PPP2R2B: variants seen among roughly 807,000 people sequenced by gnomAD.
PPP2R2B encodes serine/threonine-protein phosphatase 2A 55 kDa regulatory subunit B beta isoform.
In PPP2R2B, 5 loss-of-function variants were observed where a neutral mutation model predicts 46.0. The ratio of observed to expected loss-of-function variants is 0.11; its 90% CI spans 0.06 to 0.23. The LOEUF is 0.23. PPP2R2B is among the 10% of genes least tolerant of loss of function. PPP2R2B has a pLI of 1.00. For missense variants in PPP2R2B, 367 were observed against 575.0 expected (o/e 0.64, Z 3.70); for synonymous variants, 215 against 206.7 (o/e 1.04, Z -0.34).
chr5:147,003,782 A>G (rs1228369387), intron 1 of PPP2R2B, among the ~76,000 whole-genome samples: 1 of 152,118 alleles, frequency 6.6e-6, no homozygotes, highest in African/African-American at 2.4e-5. Flanking sequence ...TGAATTATTC[A>G]ATGATGTCCA....
chr5:146,736,434 C>T (rs1752543723), intron 2 of PPP2R2B, among the ~76,000 whole-genome samples: 3 of 152,088 alleles, frequency 2.0e-5, no homozygotes, highest in Admixed American at 2.0e-4. Context: ...GTTATTATTA[C>T]CATCATTTTA....
intron 2 of PPP2R2B, among the ~76,000 whole-genome samples, chr5:146,708,799 T>TA (rs538611000): frequency 2.6e-4 from 40 of 152,120 alleles, no homozygotes; most frequent in African/African-American, 9.2e-4. Flanking sequence ...GGTATGGAGC[T>TA]AAAAAAAATT....
intron 8 of PPP2R2B, among the ~76,000 whole-genome samples, chr5:146,594,915 C>A (rs74376619): frequency 6.6e-6 from 1 of 152,154 alleles, no homozygotes; most frequent in Non-Finnish European, 1.5e-5. Context: ...CCTGCAACTG[C>A]GGCTCTTTCT....
chr5:146,813,574 AG>A (rs1348687372), intron 2 of PPP2R2B, among the ~76,000 whole-genome samples: 2 of 152,228 alleles, frequency 1.3e-5, no homozygotes, highest in Non-Finnish European at 2.9e-5. Context: ...GAGCTGAAGC[AG>A]GCCACATGGC....
intron 1 of PPP2R2B, among the ~76,000 whole-genome samples, chr5:146,900,796 T>C (rs488183): frequency 0.5 from 73,098 of 147,504 alleles, 20,445 homozygotes; most frequent in African/African-American, 0.75. Context: ...CCGTGCCCCA[T>C]CCCCATGCAC....
intron 1 of PPP2R2B, chr5:147,054,643 C>A (rs1170756807): frequency 2.2e-6 from 1 of 456,186 alleles, no homozygotes; most frequent in Non-Finnish European, 4.4e-6. Context: ...ACACAGCCCC[C>A]AGTCTCAGGA....
intron 1 of PPP2R2B, chr5:146,922,691 G>C (rs183127982): frequency 3.3e-5 from 5 of 152,278 alleles, no homozygotes; most frequent in Non-Finnish European, 4.4e-5. Flanking sequence ...TAGCCCATGT[G>C]CTTGGAGGAA....
chr5:146,633,493 G>A (rs1452419757), intron 7 of PPP2R2B, among the ~76,000 whole-genome samples: 3 of 152,270 alleles, frequency 2.0e-5, no homozygotes, highest in Non-Finnish European at 2.9e-5. Flanking sequence ...GCTGGGGCTC[G>A]TAGCCGCAGC....
intron 1 of PPP2R2B, among the ~76,000 whole-genome samples, chr5:146,985,017 C>CTTTTTTT (rs34277498): frequency 8.7e-4 from 87 of 99,460 alleles, no homozygotes; most frequent in African/African-American, 1.5e-3. Context: ...TTTTCTTTTT[C>CTTTTTTT]TTTTTTTTTT....
At position 146,789,881 on chromosome 5, in the gene PPP2R2B, G is replaced by A. The variant is rs748206794; in HGVS notation, c.70+88121C>T. Among the ~76,000 whole-genome samples the A allele has an allele frequency of 7.9e-5, 12 of 152,286 alleles. No individual in the cohort carries two copies. The South Asian group carries it at 1.5e-3, about 18-fold the overall frequency. On this transcript the variant is annotated intron_variant, in intron 2 of 9. Transcript: ENST00000394411. The stretch of plus-strand genomic sequence containing the variant: ...AAAAAAGAGAGATGTGCAAATGGCC[G>A]GATGTAGCAGATGGTCAGGCAGGCA...
intron 5 of PPP2R2B, among the ~76,000 whole-genome samples, chr5:146,681,840 C>T (rs1458789927): frequency 6.6e-6 from 1 of 152,202 alleles, no homozygotes; most frequent in Non-Finnish European, 1.5e-5. Context: ...GAGCCTGTAA[C>T]ACTATCAGGC....
At chr5:147,058,003 C>A (rs976094393), upstream of PPP2R2B, among the ~76,000 whole-genome samples, 2 of 152,068 alleles carry the variant, frequency 1.3e-5, no homozygotes, top group Non-Finnish European at 2.9e-5. Context: ...TAGTATCAGC[C>A]CTTAATTACA....
intron 8 of PPP2R2B, among the ~76,000 whole-genome samples, chr5:146,596,787 A>G (rs1451833837): frequency 6.6e-6 from 1 of 152,180 alleles, no homozygotes; most frequent in Non-Finnish European, 1.5e-5. Context: ...AGACAGGAAC[A>G]CTAAATAACA....
chr5:146,936,240 C>A (rs2151825783), intron 1 of PPP2R2B, among the ~76,000 whole-genome samples: 1 of 152,128 alleles, frequency 6.6e-6, no homozygotes, highest in East Asian at 1.9e-4. Flanking sequence ...TTCAAGAAAG[C>A]AAAGATTTCC....
At chr5:147,023,259 A>T (rs948686066) in intron 1 of PPP2R2B, among the ~76,000 whole-genome samples, 2 of 152,208 alleles carry the variant, frequency 1.3e-5, no homozygotes, top group African/African-American at 4.8e-5. Flanking sequence ...CACTAAAACG[A>T]AAACCAAAAC....
chr5:146,607,069 C>T (rs1174877242), intron 7 of PPP2R2B: 1 of 152,162 alleles, frequency 6.6e-6, no homozygotes, highest in African/African-American at 2.4e-5. Flanking sequence ...AGGCAGATGG[C>T]AATTTTCCTT....
At chr5:147,052,562 G>C (rs887983463) in intron 1 of PPP2R2B, among the ~76,000 whole-genome samples, 2 of 152,140 alleles carry the variant, frequency 1.3e-5, no homozygotes, top group Admixed American at 1.3e-4. Context: ...AGAGTTGAAG[G>C]TTGGAATTAA....
At chr5:146,657,488 C>A (rs1581807914) in intron 5 of PPP2R2B, among the ~76,000 whole-genome samples, 1 of 152,270 alleles carries the variant, frequency 6.6e-6, no homozygotes, top group African/African-American at 2.4e-5. Context: ...CCTTTGAATA[C>A]CATTGCTTGT....
chr5:146,991,452 T>C (rs922994392), intron 1 of PPP2R2B, among the ~76,000 whole-genome samples: 1 of 152,120 alleles, frequency 6.6e-6, no homozygotes, highest in Admixed American at 6.5e-5. Context: ...CCAGGAATGG[T>C]TGGCCAATAG....
Sources: allele counts gnomAD v4.1 joint callset (sites outside exome capture counted in the v4.1 genomes callset), GRCh38; gene constraint gnomAD v4.1.1; transcripts MANE v1.5; gene names NCBI Gene and HGNC (gene_info 2026-07-23, HGNC 2026-07-21).